Variants in RGS6 observed in about 807,000 individuals in gnomAD.
RGS6 encodes the protein regulator of G protein signaling 6.
In RGS6, 30 loss-of-function variants were observed where a neutral mutation model predicts 78.5. That is an observed-to-expected ratio of 0.38 (90% CI 0.29 to 0.52). RGS6 has a LOEUF of 0.52. Ranked by LOEUF, RGS6 falls within the 20% of genes least tolerant of loss-of-function variation. RGS6 has a pLI of 0.85. For missense variants in RGS6, 495 were observed against 609.7 expected (o/e 0.81, Z 1.98); for synonymous variants, 206 against 206.0 (o/e 1.00, Z 0.00).
At chr14:72,317,116 A>G (rs1394990303) in intron 2 of RGS6, among the ~76,000 whole-genome samples, 1 of 152,136 alleles carries the variant, frequency 6.6e-6, no homozygotes, top group Non-Finnish European at 1.5e-5. Context: ...CCTTGAGCTC[A>G]TTAGTTAGCC....
At chr14:72,541,550 A>G (rs1217987374) in intron 17 of RGS6, 2 of 1,535,558 alleles carry the variant, frequency 1.3e-6, no homozygotes, top group African/African-American at 2.7e-5. Flanking sequence ...TCCGCACACC[A>G]AGAAGCTGCC....
intron 2 of RGS6, among the ~76,000 whole-genome samples, chr14:72,239,244 G>T (rs2052071200): frequency 6.6e-6 from 1 of 152,114 alleles, no homozygotes; most frequent in South Asian, 2.1e-4. Flanking sequence ...TTTGGGAATT[G>T]TGCACACACA....
chr14:72,375,316 T>A (rs554930878), intron 3 of RGS6, among the ~76,000 whole-genome samples: 4 of 152,278 alleles, frequency 2.6e-5, no homozygotes, highest in Admixed American at 1.3e-4. Flanking sequence ...TGAAAACAAA[T>A]CTATATCTAG....
intron 2 of RGS6, among the ~76,000 whole-genome samples, chr14:72,330,585 C>T (rs977371473): frequency 2.0e-5 from 3 of 152,160 alleles, no homozygotes; most frequent in Admixed American, 6.5e-5. Context: ...GAGTTTGATT[C>T]CTCCAAAAGG....
At chr14:72,380,993 A>C (rs1230577204) in intron 3 of RGS6, among the ~76,000 whole-genome samples, 1 of 152,110 alleles carries the variant, frequency 6.6e-6, no homozygotes, top group Non-Finnish European at 1.5e-5. Context: ...GAATACTATT[A>C]GGCTAAGGAA....
chr14:72,337,577 A>G (rs1401858207), intron 2 of RGS6, among the ~76,000 whole-genome samples: 1 of 152,210 alleles, frequency 6.6e-6, no homozygotes, highest in Non-Finnish European at 1.5e-5. Context: ...GGCCGGTTCG[A>G]TGAGTGGTAG....
intron 3 of RGS6, among the ~76,000 whole-genome samples, chr14:72,436,248 T>C (rs972115140): frequency 1.3e-5 from 2 of 150,970 alleles, no homozygotes; most frequent in Non-Finnish European, 2.9e-5. Context: ...TTGTTTAAGC[T>C]ACTGCCATCT....
chr14:71,890,131 C>G, the RGS6 span, among the ~76,000 whole-genome samples: 1 of 152,106 alleles, frequency 6.6e-6, no homozygotes, highest in Admixed American at 6.5e-5. Flanking sequence ...ACAGATTGCT[C>G]AGTCTCTGGT....
intron 2 of RGS6, among the ~76,000 whole-genome samples, chr14:72,106,278 A>G (rs1256392830): frequency 6.6e-6 from 1 of 152,240 alleles, no homozygotes; most frequent in Non-Finnish European, 1.5e-5. Flanking sequence ...GTTTAATGCA[A>G]AGATTCCCAA....
chr14:72,157,534 A>G (rs2096790010), intron 2 of RGS6, among the ~76,000 whole-genome samples: 1 of 152,150 alleles, frequency 6.6e-6, no homozygotes, highest in South Asian at 2.1e-4. Flanking sequence ...TTCCTTCTCC[A>G]CAATTCTGTG....
At chr14:72,147,192 T>G (rs557962272) in intron 2 of RGS6, among the ~76,000 whole-genome samples, 4 of 152,368 alleles carry the variant, frequency 2.6e-5, no homozygotes, top group Non-Finnish European at 5.9e-5. Context: ...CAATCTATGC[T>G]TCTTAAAATC....
chr14:72,236,248 C>T (rs988142625), intron 2 of RGS6, among the ~76,000 whole-genome samples: 12 of 152,150 alleles, frequency 7.9e-5, no homozygotes, highest in Non-Finnish European at 8.8e-5. Context: ...TAATGTTTTC[C>T]TCTGTTTGCT....
chr14:72,602,051 G>A, the RGS6 span, among the ~76,000 whole-genome samples: 2 of 152,196 alleles, frequency 1.3e-5, no homozygotes, highest in African/African-American at 2.4e-5. Context: ...TACCAGATAC[G>A]GGGCCAAGGG....
intron 2 of RGS6, among the ~76,000 whole-genome samples, chr14:72,328,756 G>A (rs1234925419): frequency 6.6e-6 from 1 of 152,172 alleles, no homozygotes; most frequent in Non-Finnish European, 1.5e-5. Context: ...TGAGATTGAA[G>A]AAGTCACAAA....
the RGS6 span, among the ~76,000 whole-genome samples, chr14:72,601,423 C>T: frequency 5.3e-5 from 8 of 152,296 alleles, no homozygotes; most frequent in East Asian, 1.5e-3. Flanking sequence ...GAAACTGCTG[C>T]CTCTCCCACT....
intron 2 of RGS6, among the ~76,000 whole-genome samples, chr14:72,246,419 G>C (rs536288162): frequency 2.6e-5 from 4 of 152,192 alleles, no homozygotes; most frequent in South Asian, 4.2e-4. Flanking sequence ...TATTCCTTTG[G>C]ACGTGTTTCT....
At chr14:72,390,468 T>C (rs1357798470) in intron 3 of RGS6, among the ~76,000 whole-genome samples, 1 of 152,034 alleles carries the variant, frequency 6.6e-6, no homozygotes, top group Admixed American at 6.6e-5. Flanking sequence ...AAAGTCCTCA[T>C]TATAGATGGG....
chr14:72,272,684 A>T (rs77271806), intron 2 of RGS6, among the ~76,000 whole-genome samples: 326 of 152,324 alleles, frequency 2.1e-3, no homozygotes, highest in African/African-American at 7.3e-3. Context: ...GATCATTGTA[A>T]TGCAGTGTTC....
At chr14:72,461,223 T>C (rs1353310092) in intron 6 of RGS6, among the ~76,000 whole-genome samples, 5 of 152,150 alleles carry the variant, frequency 3.3e-5, no homozygotes, top group Non-Finnish European at 2.9e-5. Flanking sequence ...ACGTGTGCCC[T>C]TGTGAATGTG....
Sources: gnomAD v4.1 joint callset for allele counts (sites outside exome capture counted in the v4.1 genomes callset) on GRCh38, gnomAD v4.1.1 for gene constraint, MANE v1.5 for transcripts, NCBI Gene and HGNC (gene_info 2026-07-23, HGNC 2026-07-21) for gene names.